Variants in PCDHA1 observed in about 807,000 individuals in gnomAD.
PCDHA1 encodes the protein protocadherin alpha-1.
A neutral mutation model predicts 61.3 loss-of-function variants in PCDHA1; 42 were observed. The ratio of observed to expected loss-of-function variants is 0.69; its 90% CI spans 0.54 to 0.89. The LOEUF (loss-of-function observed/expected upper bound fraction) is 0.89. Ranked by LOEUF, PCDHA1 falls within the 40% of genes least tolerant of loss-of-function variation. The pLI, the probability that PCDHA1 is intolerant of heterozygous loss-of-function variation, is 0.00. For synonymous variants in PCDHA1, 610 were observed against 553.8 expected (o/e 1.10, Z -1.43); for missense variants, 1,256 against 1,235.3 (o/e 1.02, Z -0.25).
intron 1 of PCDHA1, chr5:140,969,215 C>G (rs782320507): frequency 6.2e-7 from 1 of 1,614,128 alleles, no homozygotes; most frequent in South Asian, 1.1e-5. Flanking sequence ...CCAGACAGGA[C>G]CAGGGCCTTC....
rs782403008 is a variant in PCDHA1 at position 140,877,235 on chromosome 5, G to A, written c.2394+88551G>A. ...TTGGTACCGCGGTCGGTGGGTGCGGGCCACGTGGTGGCGAAAGTGCGCGCG... is the reference window on the plus strand; with the variant it reads ...TTGGTACCGCGGTCGGTGGGTGCGGACCACGTGGTGGCGAAAGTGCGCGCG... On this transcript the variant is annotated intron_variant, in intron 1 of 3. Transcript: ENST00000504120. 49 of 1,613,570 alleles carry A rather than the reference G, an allele frequency of 3.0e-5. No homozygotes were observed. In the South Asian group the frequency reaches 5.1e-4, roughly 17 times the overall value.
At chr5:140,948,237 T>C (rs532703710) in intron 1 of PCDHA1, among the ~76,000 whole-genome samples, 1 of 151,810 alleles carries the variant, frequency 6.6e-6, no homozygotes, top group South Asian at 2.1e-4. Flanking sequence ...ACTTGTATTT[T>C]AGTAAATATT....
intron 1 of PCDHA1, chr5:140,877,867 T>C: frequency 2.7e-6 from 4 of 1,490,888 alleles, no homozygotes; most frequent in Non-Finnish European, 3.6e-6. Context: ...TTTAGATATA[T>C]TTGTTTCCTT....
intron 1 of PCDHA1, chr5:140,884,831 ATCCT>A: frequency 1.1e-6 from 1 of 939,722 alleles, no homozygotes; most frequent in Non-Finnish European, 1.5e-6. Flanking sequence ...GTGTTGGATT[ATCCT>A]TCAGAGTGAA....
intron 3 of PCDHA1, among the ~76,000 whole-genome samples, chr5:140,999,519 G>A (rs1303009823): frequency 6.6e-6 from 1 of 152,074 alleles, no homozygotes; most frequent in Non-Finnish European, 1.5e-5. Context: ...TAAGCATTTT[G>A]TTACCCCCTG....
intron 1 of PCDHA1, chr5:140,841,579 G>T: frequency 6.2e-7 from 1 of 1,614,044 alleles, no homozygotes; most frequent in South Asian, 1.1e-5. Context: ...TTTTGTTTGT[G>T]AATTCTCGGA....
chr5:140,852,444 A>G (rs1327164540), intron 1 of PCDHA1: 1 of 183,986 alleles, frequency 5.4e-6, no homozygotes, highest in Non-Finnish European at 1.1e-5. Context: ...CGCCCAGCTA[A>G]TTTTTGTATT....
intron 1 of PCDHA1, chr5:140,862,777 C>A: frequency 1.7e-6 from 1 of 577,324 alleles, no homozygotes. Context: ...CGCGTTGCAG[C>A]CACTGGACTA....
intron 1 of PCDHA1, chr5:140,822,585 G>T: frequency 6.2e-7 from 1 of 1,612,046 alleles, no homozygotes; most frequent in Non-Finnish European, 8.5e-7. Flanking sequence ...ATGCAGATGA[G>T]GGCATCAATA....
At chr5:140,882,180 AG>A (rs2058993159) in intron 1 of PCDHA1, 1 of 1,518,026 alleles carries the variant, frequency 6.6e-7, no homozygotes. Flanking sequence ...CTTCCGCACT[AG>A]GAAGCCATAA....
chr5:140,925,806 C>A (rs2082736423), intron 1 of PCDHA1, among the ~76,000 whole-genome samples: 1 of 152,148 alleles, frequency 6.6e-6, no homozygotes, highest in South Asian at 2.1e-4. Flanking sequence ...TTCCCCTCCA[C>A]TTCTCACGTC....
chr5:140,848,577 A>G (rs1178094933), intron 1 of PCDHA1: 1 of 1,595,244 alleles, frequency 6.3e-7, no homozygotes, highest in Non-Finnish European at 8.6e-7. Context: ...GGTGGTGGGG[A>G]GCGGCCAGCT....
At position 140,969,169 on chromosome 5, in the gene PCDHA1, A is replaced by G. The variant is rs201735192; in HGVS notation, c.2395-9780A>G. 2.0e-5 allele frequency: 33 copies of G among 1,614,094 alleles called. No homozygotes were observed. In the Admixed American group the frequency reaches 5.5e-4, roughly 27 times the overall value. On this transcript the variant is annotated intron_variant, in intron 1 of 3. Transcript: ENST00000504120. The stretch of plus-strand genomic sequence containing the variant: ...ACAAGGCCTGTCTGACAGCAGGCTC[A>G]GGGAGTGACACTTTCATGTTTTACA...
At chr5:140,819,582 A>G (rs2150104654) in intron 1 of PCDHA1, among the ~76,000 whole-genome samples, 14 of 152,284 alleles carry the variant, frequency 9.2e-5, no homozygotes, top group African/African-American at 2.9e-4. Context: ...AAGATTTTTT[A>G]AAATGTTCTT....
At chr5:140,829,351 C>T in intron 1 of PCDHA1, 1 of 1,614,246 alleles carries the variant, frequency 6.2e-7, no homozygotes, top group South Asian at 1.1e-5. Flanking sequence ...GCGTGTCGGC[C>T]TATGAGTTGG....
rs566522528 is a variant in PCDHA1, at chr5:140,881,283, A to C, written c.2394+92599A>C. On this transcript the variant is annotated intron_variant, in intron 1 of 3. Coordinates refer to ENST00000504120, the MANE Select transcript of PCDHA1 (RefSeq NM_018900.4). ...TCAGTGATGATGAAGTAAGATGGAG[A>C]GAGAAAATGGAAACTTTAACCTCCT... 1.3e-5 allele frequency: 10 copies of C among 799,388 alleles called. No homozygotes were observed. The African/African-American group carries it at 1.9e-4, about 15-fold the overall frequency. The allele number at this position is 799,388 out of a possible 1,614,324, so 49.5% of individuals were successfully genotyped here.
At chr5:140,877,041 A>G (rs782570873) in intron 1 of PCDHA1, 15 of 1,612,586 alleles carry the variant, frequency 9.3e-6, no homozygotes, top group African/African-American at 4.0e-5. Context: ...TGCAGCCGCT[A>G]GACCACGAGG....
chr5:140,787,932 A>T lies in PCDHA1; in HGVS notation c.1642A>T (p.Asn548Tyr). 1.2e-6 allele frequency: 2 copies of T among 1,613,876 alleles called. No individual in the cohort carries two copies. Among genetic ancestry groups the T allele is most frequent in the Non-Finnish European group, 1.7e-6 (2 of 1,179,910 alleles). The change falls in exon 1 of 4, where the codon AAC becomes TAC. Residue 548 changes from asparagine (N) to tyrosine (Y), a missense_variant. Transcript: ENST00000504120. ...RDAGVPPLGS[N>Y]VTLQVFVLDE... ...TGCGGGCGTGCCGCCTCTGGGCAGCAACGTGACGCTGCAGGTGTTCGTGCT... is the reference window on the plus strand; with the variant it reads ...TGCGGGCGTGCCGCCTCTGGGCAGCTACGTGACGCTGCAGGTGTTCGTGCT...
intron 1 of PCDHA1, chr5:140,822,738 C>T (rs2150118963): frequency 1.2e-6 from 2 of 1,613,298 alleles, no homozygotes; most frequent in Non-Finnish European, 8.5e-7. Flanking sequence ...ATATTGATGC[C>T]ATGGATAAAA....
Sources: gnomAD v4.1 joint callset for allele counts (sites outside exome capture counted in the v4.1 genomes callset) on GRCh38, gnomAD v4.1.1 for gene constraint, MANE v1.5 for transcripts, NCBI Gene and HGNC (gene_info 2026-07-23, HGNC 2026-07-21) for gene names.